Variants in OR52N4 observed in about 807,000 individuals in gnomAD.
OR52N4 encodes olfactory receptor family 52 subfamily N member 4, also known as olfactory receptor 52N4.
OR52N4 carries 15 observed loss-of-function variants against 15.0 expected under a neutral mutation model. The observed-to-expected ratio is 1.00, with a 90% CI of 0.67 to 1.54. The LOEUF (loss-of-function observed/expected upper bound fraction) is 1.54. OR52N4 is among the 40% of genes most tolerant of loss of function. The pLI is 0.00. For synonymous variants in OR52N4, 143 were observed against 143.7 expected (o/e 1.00, Z 0.03); for missense variants, 421 against 394.0 (o/e 1.07, Z -0.58).
the OR52N4 span, chr11:5,736,697 A>C: frequency 5.0e-6 from 8 of 1,613,880 alleles, no homozygotes; most frequent in South Asian, 6.6e-5. Context: ...CATCTGGCAG[A>C]ACCCTTCTTT....
At chr11:5,736,704 C>A in the OR52N4 span, 1 of 1,614,042 alleles carries the variant, frequency 6.2e-7, no homozygotes, top group Non-Finnish European at 8.5e-7. Context: ...CAGAACCCTT[C>A]TTTACAGCAG....
the OR52N4 span, among the ~76,000 whole-genome samples, chr11:5,733,861 C>A: frequency 1.4e-3 from 211 of 152,242 alleles, 1 homozygote; most frequent in African/African-American, 4.9e-3. Flanking sequence ...AAATTTCTCA[C>A]CTTTATAGGT....
the OR52N4 span, among the ~76,000 whole-genome samples, chr11:5,747,969 T>G: frequency 6.6e-6 from 1 of 152,084 alleles, no homozygotes; most frequent in Non-Finnish European, 1.5e-5. Flanking sequence ...AAATCTATTT[T>G]GAGGAAAATA....
chr11:5,744,730 T>G, the OR52N4 span, among the ~76,000 whole-genome samples: 2 of 152,062 alleles, frequency 1.3e-5, no homozygotes, highest in Non-Finnish European at 2.9e-5. Context: ...CTGGCCACCA[T>G]GGCGAAACCC....
the OR52N4 span, among the ~76,000 whole-genome samples, chr11:5,744,526 C>G: frequency 1.3e-5 from 2 of 152,218 alleles, no homozygotes; most frequent in African/African-American, 4.8e-5. Flanking sequence ...GGGTCATATT[C>G]CAGTGGTGCA....
the OR52N4 span, among the ~76,000 whole-genome samples, chr11:5,743,843 A>G: frequency 6.6e-6 from 1 of 152,154 alleles, no homozygotes; most frequent in African/African-American, 2.4e-5. Flanking sequence ...AAGAACAACT[A>G]AAACCCAAAG....
At chr11:5,726,536 CT>C in the OR52N4 span, 91,969 of 151,938 alleles carry the variant, frequency 0.61, 28,101 homozygotes, top group Admixed American at 0.69. Context: ...GTTGACCCTT[CT>C]TGTCTTCTTC....
the OR52N4 span, among the ~76,000 whole-genome samples, chr11:5,734,759 C>T: frequency 1.3e-5 from 2 of 152,036 alleles, no homozygotes; most frequent in Non-Finnish European, 2.9e-5. Flanking sequence ...TACTTCCACG[C>T]ATCCAGGATA....
In OR52N4 at chr11:5,755,951, C is replaced by T. The variant is rs11601779; in HGVS notation, c.*245C>T. 0.016 allele frequency: 7,462 copies of T among 454,952 alleles called. 94 individuals are homozygous for T. The highest frequency in any genetic ancestry group is 0.029 in the Middle Eastern group (50 of 1,750). The allele number at this position is 454,952 out of a possible 1,614,324, so 28.2% of individuals were successfully genotyped here. A position where few individuals can be genotyped will look rare whatever the true frequency, so the allele number is the denominator to read the frequency against. On this transcript the variant is annotated 3_prime_UTR_variant, in exon 2 of 2. Coordinates refer to ENST00000641350, the MANE Select transcript of OR52N4 (RefSeq NM_001005175.5). ...TCTAATAATTAAACCATATTTTATT[C>T]GACAAAACCTAATGAGTCCATTTTT...
chr11:5,737,615 T>A, the OR52N4 span: 1 of 861,626 alleles, frequency 1.2e-6, no homozygotes, highest in African/African-American at 1.7e-5. Context: ...TGTAAATAAT[T>A]GTGAAAGCTT....
chr11:5,747,259 C>T, the OR52N4 span, among the ~76,000 whole-genome samples: 1 of 151,750 alleles, frequency 6.6e-6, no homozygotes, highest in Admixed American at 6.6e-5. Flanking sequence ...GTGACCAGGA[C>T]TTCAAGGCCA....
the OR52N4 span, chr11:5,737,013 C>T: frequency 3.1e-6 from 5 of 1,614,126 alleles, no homozygotes; most frequent in Admixed American, 6.7e-5. Context: ...TTATTTGTCA[C>T]TCCAGTGCCT....
At chr11:5,746,279 C>T in the OR52N4 span, among the ~76,000 whole-genome samples, 2 of 151,994 alleles carry the variant, frequency 1.3e-5, no homozygotes, top group African/African-American at 2.4e-5. Flanking sequence ...GAAATGCAAT[C>T]AAAACAAAAA....
At chr11:5,747,197 G>A in the OR52N4 span, among the ~76,000 whole-genome samples, 1 of 151,638 alleles carries the variant, frequency 6.6e-6, no homozygotes, top group African/African-American at 2.4e-5. Flanking sequence ...ATTGGTCAAA[G>A]GTAACAAAAT....
At chr11:5,732,040 G>T in the OR52N4 span, among the ~76,000 whole-genome samples, 1 of 151,888 alleles carries the variant, frequency 6.6e-6, no homozygotes, top group South Asian at 2.1e-4. Flanking sequence ...TTTGCAGTAA[G>T]AACATTTTAC....
chr11:5,748,064 A>G, the OR52N4 span, among the ~76,000 whole-genome samples: 1 of 151,890 alleles, frequency 6.6e-6, no homozygotes, highest in African/African-American at 2.4e-5. Context: ...CATAAGATCA[A>G]GCTGTTACAT....
Position 5,755,164 on chromosome 11 carries a change from G to A in OR52N4, c.424G>A (p.Val142Ile). 1 of 1,614,040 alleles carries A rather than the reference G, an allele frequency of 6.2e-7. No individual in the cohort carries two copies. The change falls in exon 2 of 2, where the codon GTA becomes ATA. Residue 142 changes from valine (V) to isoleucine (I), a missense_variant. Coordinates refer to ENST00000641350, the MANE Select transcript of OR52N4 (RefSeq NM_001005175.5). ...LRYSTILTNP[V>I]IAKVGTATFL... Reference sequence around the variant, plus strand: ...CTATTCAACTATCCTCACCAATCCTGTAATTGCAAAGGTTGGGACTGCCAC... The same window carrying A: ...CTATTCAACTATCCTCACCAATCCTATAATTGCAAAGGTTGGGACTGCCAC...
At chr11:5,744,560 G>A in the OR52N4 span, among the ~76,000 whole-genome samples, 1 of 152,208 alleles carries the variant, frequency 6.6e-6, no homozygotes, top group Non-Finnish European at 1.5e-5. Context: ...AAATGCAAAA[G>A]TGGTTCAACA....
At chr11:5,740,270 C>T in the OR52N4 span, among the ~76,000 whole-genome samples, 1 of 127,298 alleles carries the variant, frequency 7.9e-6, no homozygotes, top group Non-Finnish European at 1.7e-5. Flanking sequence ...GAGGGAAATG[C>T]CCTGGCTGGT....
Sources: gnomAD v4.1 joint callset for allele counts (sites outside exome capture counted in the v4.1 genomes callset) on GRCh38, gnomAD v4.1.1 for gene constraint, MANE v1.5 for transcripts, NCBI Gene and HGNC (gene_info 2026-07-23, HGNC 2026-07-21) for gene names.